SORL1: variants seen among roughly 807,000 people sequenced by gnomAD.
SORL1 encodes the protein sortilin-related receptor.
Under a neutral mutation model 273.7 loss-of-function variants are expected in SORL1, and 127 were observed. The ratio of observed to expected loss-of-function variants is 0.46; its 90% CI spans 0.40 to 0.54. The LOEUF is 0.54. Among genes scored for constraint, SORL1 ranks in the 20% least tolerant of loss-of-function variants. SORL1 has a pLI of 0.00. For synonymous variants in SORL1, 1,031 were observed against 1,067.4 expected (o/e 0.97, Z 0.66); for missense variants, 2,494 against 2,846.1 (o/e 0.88, Z 2.81).
At chr11:121,490,289 G>A (rs190582078) in intron 5 of SORL1, among the ~76,000 whole-genome samples, 179 bp downstream of exon 5, 1 of 152,140 alleles carries the variant, frequency 6.6e-6, no homozygotes, top group Non-Finnish European at 1.5e-5. Flanking sequence ...GAGAGAGTTG[G>A]GGGGAGGAGA....
chr11:121,577,545 G>T, intron 25 of SORL1, 145 bp downstream of exon 25: 1 of 880,958 alleles, frequency 1.1e-6, no homozygotes, highest in Non-Finnish European at 1.6e-6. Flanking sequence ...CAAAGAGCTG[G>T]TCTTTGATGA....
At chr11:121,628,426 G>A (rs573488449) in intron 47 of SORL1, among the ~76,000 whole-genome samples, 2 of 152,176 alleles carry the variant, frequency 1.3e-5, no homozygotes, top group Non-Finnish European at 2.9e-5. Flanking sequence ...CTCAGTTCAC[G>A]ATAGGGTTTG....
Position 121,614,998 on chromosome 11 carries a change from G to A in SORL1, c.5547G>A (p.Lys1849=). 1 of 1,613,078 alleles carries A rather than the reference G, an allele frequency of 6.2e-7. No individual in the cohort carries two copies. The highest frequency in any genetic ancestry group is 8.5e-7 in the Non-Finnish European group (1 of 1,179,660). ...RGVRPPAPSL[K]AKAINQTAVE... is the part of the protein sequence containing the mutation. The stretch of plus-strand genomic sequence containing the variant: ...TTCGCCCACCTGCACCTAGCCTCAA[G>A]GCCAAAGCCATCAACCAGACTGCAG... Residue 1849 remains lysine (K), a synonymous_variant, in exon 41 of 48, where the codon AAG becomes AAA. Transcript: ENST00000260197.
At chr11:121,573,983 A>G (rs1862886243) in intron 23 of SORL1, among the ~76,000 whole-genome samples, 1 of 152,218 alleles carries the variant, frequency 6.6e-6, no homozygotes, top group Non-Finnish European at 1.5e-5. Context: ...TCTCTCGCCA[A>G]CAGATGACAG....
intron 27 of SORL1, among the ~76,000 whole-genome samples, chr11:121,586,714 G>A (rs1047588504): frequency 4.7e-5 from 6 of 127,030 alleles, no homozygotes; most frequent in Non-Finnish European, 6.6e-5. Flanking sequence ...GCGGGGGGGG[G>A]GCATTTTTAG....
intron 22 of SORL1, among the ~76,000 whole-genome samples, chr11:121,567,435 T>C (rs773908780): frequency 2.6e-5 from 4 of 152,204 alleles, no homozygotes; most frequent in African/African-American, 7.2e-5. Flanking sequence ...CTTCTTCCTC[T>C]CCTCACCCAT....
chr11:121,607,159 C>T (rs1162582933), intron 36 of SORL1, 27 bp from the exon 37 acceptor site: 3 of 1,419,964 alleles, frequency 2.1e-6, no homozygotes, highest in African/African-American at 2.8e-5. Flanking sequence ...GTTCCCTTTA[C>T]TCACATTTTT....
intron 41 of SORL1, 34 bp from the exon 42 acceptor site, chr11:121,618,740 G>T: frequency 6.2e-7 from 1 of 1,613,546 alleles, no homozygotes; most frequent in Non-Finnish European, 8.5e-7. Context: ...CGGCCCATGA[G>T]CTGATGTCCT....
chr11:121,550,020 A>G lies in SORL1; in HGVS notation c.2112A>G (p.Glu704=), dbSNP rs1862484100. ...TAGAGGTTTGTGTTCCAGATCCGGA[A>G]TTTTCTGGAAAGTCATACTCCCCTC... is the stretch of plus-strand genomic sequence containing the variant. ...LSLEVCVPDP[E]FSGKSYSPPV... is the part of the protein sequence containing the mutation. Residue 704 remains glutamate (E), a synonymous_variant, in exon 15 of 48, where the codon GAA becomes GAG. Coordinates refer to ENST00000260197, the MANE Select transcript of SORL1 (RefSeq NM_003105.6). This position sits in a 1 kb window ranked among gnomAD's most constrained non-coding sequence, Gnocchi z 5.3. 6.2e-7 allele frequency: 1 copy of G among 1,613,724 alleles called. No individual in the cohort carries two copies. The highest frequency in any genetic ancestry group is 8.5e-7 in the Non-Finnish European group (1 of 1,179,768).
At chr11:121,547,712 A>T (rs1591321565) in intron 14 of SORL1, among the ~76,000 whole-genome samples, 1 of 151,570 alleles carries the variant, frequency 6.6e-6, no homozygotes, top group Admixed American at 6.6e-5. Flanking sequence ...TCCCCGCTCC[A>T]CCCCTCCCAA....
chr11:121,604,761 T>C (rs1469434014), intron 33 of SORL1, among the ~76,000 whole-genome samples: 1 of 152,102 alleles, frequency 6.6e-6, no homozygotes, highest in Non-Finnish European at 1.5e-5. Context: ...AGGGAAAATA[T>C]CACGACCGGA....
rs57177641 is a variant in SORL1 at position 121,463,337 on chromosome 11, A to C, written c.286-6670A>C. On this transcript the variant is annotated intron_variant, in intron 1 of 47. Coordinates refer to ENST00000260197, the MANE Select transcript of SORL1 (RefSeq NM_003105.6). ...AGAGAGTTTTCCACAGTTTCTTTTT[A>C]GTAGGGAGCCCCTCCCAAAACAGCA... Among the ~76,000 whole-genome samples, 956 of 151,834 alleles carry C rather than the reference A, an allele frequency of 6.3e-3. 9 individuals carry two copies. The highest frequency in any genetic ancestry group is 0.022 in the African/African-American group (912 of 41,384).
rs759302763 is a variant in SORL1 at position 121,570,185 on chromosome 11, C to T, written c.3252C>T (p.Arg1084=). ...QENTCLRNQY[R]CSNGNCINSI... ...ACACCTGTCTTCGCAACCAGTATCG[C>T]TGCAGCAACGGGAACTGTATCAACA... Residue 1084 remains arginine, a synonymous_variant, in exon 23 of 48, where the codon CGC becomes CGT. Coordinates refer to ENST00000260197, the MANE Select transcript of SORL1 (RefSeq NM_003105.6). The T allele has an allele frequency of 2.5e-6, 4 of 1,613,962 alleles. No individual in the cohort carries two copies. The South Asian group carries it at 3.3e-5, about 13-fold the overall frequency.
chr11:121,493,382 G>A (rs1404547823), intron 5 of SORL1, among the ~76,000 whole-genome samples: 3 of 152,020 alleles, frequency 2.0e-5, no homozygotes, highest in Admixed American at 1.3e-4. Context: ...TCAGTCTCCC[G>A]AGAAGCTGGG....
chr11:121,628,417 T>C (rs532567113), intron 47 of SORL1, among the ~76,000 whole-genome samples: 1 of 152,288 alleles, frequency 6.6e-6, no homozygotes, highest in African/African-American at 2.4e-5. Context: ...CCTTGCACGC[T>C]CAGTTCACGA....
At position 121,452,336 on chromosome 11, in the gene SORL1, C is replaced by T; in HGVS notation, c.5C>T (p.Ala2Val). 1 of 1,541,716 alleles carries T rather than the reference C, an allele frequency of 6.5e-7. No individual in the cohort carries two copies. The highest frequency in any genetic ancestry group is 8.7e-7 in the Non-Finnish European group (1 of 1,148,796). ...TGCAGTAGCGTTCGCCCGAACATGG[C>T]GACACGGAGCAGCAGGAGGGAGTCG... MATRSSRRESRL... is the reference protein window; with the variant it reads MVTRSSRRESRL... Residue 2 changes from alanine to valine, a missense_variant, in exon 1 of 48, where the codon GCG becomes GTG. Transcript: ENST00000260197. This position sits in a 1 kb window ranked among gnomAD's most constrained non-coding sequence, Gnocchi z 5.3.
intron 25 of SORL1, among the ~76,000 whole-genome samples, chr11:121,581,452 T>G (rs1483169367): frequency 6.6e-6 from 1 of 152,198 alleles, no homozygotes; most frequent in Admixed American, 6.5e-5. Flanking sequence ...TTCACCATTC[T>G]TATAGTTACA....
At chr11:121,586,837 C>T (rs1267967639) in intron 27 of SORL1, among the ~76,000 whole-genome samples, 1 of 152,022 alleles carries the variant, frequency 6.6e-6, no homozygotes, top group African/African-American at 2.4e-5. Context: ...TTTAAAACCA[C>T]CTGGTGCCTG....
intron 3 of SORL1, among the ~76,000 whole-genome samples, chr11:121,478,740 G>A (rs907206352): frequency 1.3e-5 from 2 of 151,822 alleles, no homozygotes; most frequent in African/African-American, 4.8e-5. Flanking sequence ...AACTGTGTGT[G>A]TGCTTGTGTG....
Sources: gnomAD v4.1 joint callset for allele counts (sites outside exome capture counted in the v4.1 genomes callset) on GRCh38, gnomAD v4.1.1 for gene constraint, Gnocchi (gnomAD v3.1) non-coding constraint, MANE v1.5 for transcripts, NCBI Gene and HGNC (gene_info 2026-07-23, HGNC 2026-07-21) for gene names.